Variants in NBEA observed in about 807,000 individuals in gnomAD.
The protein encoded by NBEA is neurobeachin.
In NBEA, 44 loss-of-function variants were observed where a neutral mutation model predicts 343.4. The ratio of observed to expected loss-of-function variants is 0.13; its 90% CI spans 0.10 to 0.16. The LOEUF (loss-of-function observed/expected upper bound fraction) is 0.16. NBEA is among the 10% of genes least tolerant of loss of function. NBEA has a pLI of 1.00. For missense variants in NBEA, 2,555 were observed against 3,631.3 expected, an observed-to-expected ratio of 0.70 and a Z score of 7.62; for synonymous variants, 1,175 against 1,238.7, an observed-to-expected ratio of 0.95 and a Z score of 1.08.
At chr13:34,969,558 ACCCT>A (rs1259548990) in intron 1 of NBEA, among the ~76,000 whole-genome samples, 3 of 151,558 alleles carry the variant, frequency 2.0e-5, no homozygotes, top group Non-Finnish European at 4.4e-5. Flanking sequence ...CCCACCCTTG[ACCCT>A]CCGATAGGCC....
At chr13:35,498,266 T>A (rs2076758249) in intron 41 of NBEA, among the ~76,000 whole-genome samples, 1 of 152,092 alleles carries the variant, frequency 6.6e-6, no homozygotes, top group Non-Finnish European at 1.5e-5. Flanking sequence ...TTTTTTTATA[T>A]GTCCAGTAAG....
intron 41 of NBEA, among the ~76,000 whole-genome samples, chr13:35,479,639 C>T (rs2076039374): frequency 6.6e-6 from 1 of 151,892 alleles, no homozygotes; most frequent in Non-Finnish European, 1.5e-5. Flanking sequence ...ATCATTTGAC[C>T]TATTAAACTA....
rs557277454 is a variant in NBEA at position 35,593,832 on chromosome 13, G to A, written c.7296+385G>A. ...ATAGCTTGCCTGGCTTGGGGTTTGC[G>A]TAGCCTGGGGCAATTAATAAAGCAT... On this transcript the variant is annotated intron_variant, in intron 47 of 58. Transcript: ENST00000379939. Among the ~76,000 whole-genome samples, 7 of 152,098 alleles carry A rather than the reference G, an allele frequency of 4.6e-5. No individual in the cohort carries two copies. In the South Asian group the frequency reaches 6.2e-4, roughly 14 times the overall value.
chr13:35,240,918 T>C (rs1199877991), intron 34 of NBEA, among the ~76,000 whole-genome samples: 1 of 151,812 alleles, frequency 6.6e-6, no homozygotes, highest in Non-Finnish European at 1.5e-5. Context: ...GCAGTTTACT[T>C]ATTAATATTT....
At chr13:35,312,184 C>G (rs2037414737) in intron 36 of NBEA, among the ~76,000 whole-genome samples, 1 of 152,056 alleles carries the variant, frequency 6.6e-6, no homozygotes, top group African/African-American at 2.4e-5. Flanking sequence ...TACAAGGATA[C>G]TGTGATAAAA....
intron 17 of NBEA, among the ~76,000 whole-genome samples, chr13:35,126,872 C>T (rs1031018207): frequency 7.4e-5 from 11 of 148,804 alleles, no homozygotes; most frequent in African/African-American, 2.0e-4. Context: ...GAGCTGAGAC[C>T]GTGCCATTGC....
chr13:35,579,707 A>C (rs1000165261), intron 45 of NBEA, among the ~76,000 whole-genome samples: 12 of 152,142 alleles, frequency 7.9e-5, no homozygotes, highest in African/African-American at 2.7e-4. Context: ...AATTATATTT[A>C]CTATAGTATT....
chr13:35,183,939 T>A (rs772259399), intron 29 of NBEA, 37 bp from the exon 30 acceptor site: 1 of 1,522,834 alleles, frequency 6.6e-7, no homozygotes, highest in Non-Finnish European at 9.1e-7. Context: ...GGTTGTTACA[T>A]GCTGGCTCAA....
intron 16 of NBEA, among the ~76,000 whole-genome samples, chr13:35,118,950 C>T (rs1365504360): frequency 6.6e-6 from 1 of 151,554 alleles, no homozygotes; most frequent in African/African-American, 2.4e-5. Context: ...GTTAGATTTA[C>T]AATCACCAGT....
chr13:35,082,285 T>C (rs2064453435), intron 10 of NBEA, among the ~76,000 whole-genome samples: 1 of 152,208 alleles, frequency 6.6e-6, no homozygotes, highest in African/African-American at 2.4e-5. Context: ...CCATGGTGTA[T>C]ATGTGCCACA....
At chr13:35,380,882 A>G (rs1180523703) in intron 38 of NBEA, among the ~76,000 whole-genome samples, 1 of 152,150 alleles carries the variant, frequency 6.6e-6, no homozygotes, top group African/African-American at 2.4e-5. Context: ...CACAATTGTG[A>G]TATTAGTCAT....
At chr13:35,332,335 G>A (rs2038974848) in intron 36 of NBEA, among the ~76,000 whole-genome samples, 1 of 151,900 alleles carries the variant, frequency 6.6e-6, no homozygotes, top group Admixed American at 6.6e-5. Flanking sequence ...AAGAAGAAAT[G>A]GCATATATAA....
chr13:35,630,453 T>C (rs1160761451), intron 49 of NBEA, among the ~76,000 whole-genome samples: 1 of 152,160 alleles, frequency 6.6e-6, no homozygotes, highest in Non-Finnish European at 1.5e-5. Flanking sequence ...TGTTGGCATA[T>C]TATATAGATG....
At chr13:35,208,974 G>T (rs1458268610) in intron 32 of NBEA, 120 bp downstream of exon 32, 14 of 850,818 alleles carry the variant, frequency 1.6e-5, no homozygotes, top group Non-Finnish European at 2.4e-5. Flanking sequence ...TAATTTTTAA[G>T]AAGGTTATAT....
At chr13:35,021,208 G>A (rs1198493875) in intron 1 of NBEA, among the ~76,000 whole-genome samples, 2 of 151,784 alleles carry the variant, frequency 1.3e-5, no homozygotes, top group African/African-American at 2.4e-5. Flanking sequence ...TAGTTTTATC[G>A]GAATGGTGGC....
chr13:35,351,759 T>C (rs1015289967), intron 37 of NBEA, among the ~76,000 whole-genome samples: 1 of 152,026 alleles, frequency 6.6e-6, no homozygotes, highest in African/African-American at 2.4e-5. Context: ...AAAATATAAA[T>C]TAAATGACAG....
At chr13:35,514,671 A>G (rs1273550442) in intron 41 of NBEA, among the ~76,000 whole-genome samples, 4 of 152,300 alleles carry the variant, frequency 2.6e-5, no homozygotes, top group East Asian at 3.9e-4. Context: ...TACCATATCT[A>G]TGTAATACTC....
chr13:35,584,076 T>A, intron 46 of NBEA, 38 bp downstream of exon 46: 1 of 1,570,284 alleles, frequency 6.4e-7, no homozygotes, highest in Non-Finnish European at 8.7e-7. Context: ...CTTTGGTACC[T>A]TAAAATTTTA....
chr13:35,639,906 T>C (rs764505801), intron 49 of NBEA, among the ~76,000 whole-genome samples: 1 of 150,442 alleles, frequency 6.6e-6, no homozygotes, highest in Non-Finnish European at 1.5e-5. Flanking sequence ...GTCATGGCTC[T>C]GTAGACCTGA....
Sources: gnomAD v4.1 joint callset for allele counts (sites outside exome capture counted in the v4.1 genomes callset) on GRCh38, gnomAD v4.1.1 for gene constraint, MANE v1.5 for transcripts, NCBI Gene and HGNC (gene_info 2026-07-23, HGNC 2026-07-21) for gene names.